GFPT2: variants seen among roughly 807,000 people sequenced by gnomAD.
The protein encoded by GFPT2 is glutamine--fructose-6-phosphate aminotransferase [isomerizing] 2.
A neutral mutation model predicts 85.6 loss-of-function variants in GFPT2; 62 were observed. The observed-to-expected ratio is 0.72, with a 90% CI of 0.59 to 0.90. GFPT2 has a LOEUF of 0.90. Ranked by LOEUF, GFPT2 falls within the 40% of genes least tolerant of loss-of-function variation. The pLI, the probability that GFPT2 is intolerant of heterozygous loss-of-function variation, is 0.00. For synonymous variants in GFPT2, 368 were observed against 344.5 expected (o/e 1.07, Z -0.75); for missense variants, 788 against 893.4 (o/e 0.88, Z 1.50).
rs541587646 is a variant in GFPT2, at chr5:180,347,531, C to T, written c.7+5680G>A. On this transcript the variant is annotated intron_variant, in intron 1 of 18. Coordinates refer to ENST00000253778, the MANE Select transcript of GFPT2 (RefSeq NM_005110.4). ...CAGAAGGGATTCGACATGAGCCCTC[C>T]GAGAGGAGACTGTAGCCTCTTGGCC... Among the ~76,000 whole-genome samples, 8 of 152,288 alleles carry T rather than the reference C, an allele frequency of 5.3e-5. No individual in the cohort carries two copies. The South Asian group carries it at 1.0e-3, about 20-fold the overall frequency.
chr5:180,346,107 C>T lies in GFPT2; in HGVS notation c.7+7104G>A, dbSNP rs971257568. Among the ~76,000 whole-genome samples, 9 of 152,134 alleles carry T rather than the reference C, an allele frequency of 5.9e-5. No homozygotes were observed. In the East Asian group the frequency reaches 7.7e-4, roughly 13 times the overall value. On this transcript the variant is annotated intron_variant, in intron 1 of 18. Coordinates refer to ENST00000253778, the MANE Select transcript of GFPT2 (RefSeq NM_005110.4). ...TAAACCACCATCTACAGTGGCTCCC[C>T]GCATGCCAACCCTTCCCGAGCTTCA...
At chr5:180,331,709 C>T (rs555362362) in intron 4 of GFPT2, 156 bp from the exon 5 acceptor site, 20 of 656,090 alleles carry the variant, frequency 3.0e-5, no homozygotes, top group Admixed American at 1.2e-4. Context: ...CAGATGTTTA[C>T]GGCAGCAACT....
At chr5:180,316,298 G>A in intron 13 of GFPT2, 43 bp downstream of exon 13, 1 of 1,609,002 alleles carries the variant, frequency 6.2e-7, no homozygotes, top group East Asian at 2.2e-5. Context: ...AGAGCCCAGA[G>A]CTGACCTGAT....
chr5:180,348,810 C>T (rs1458466578), intron 1 of GFPT2, among the ~76,000 whole-genome samples: 5 of 150,534 alleles, frequency 3.3e-5, no homozygotes, highest in African/African-American at 9.8e-5. Context: ...GGCACGATCT[C>T]GGCTCACTGC....
At chr5:180,351,094 A>G (rs1764703042) in intron 1 of GFPT2, among the ~76,000 whole-genome samples, 1 of 152,236 alleles carries the variant, frequency 6.6e-6, no homozygotes, top group Non-Finnish European at 1.5e-5. Flanking sequence ...TTTCTTCTGC[A>G]GAATTTGATT....
Position 180,328,374 on chromosome 5 carries a change from C to T in GFPT2, c.535-36G>A, listed in dbSNP as rs1338509661. 1.3e-6 allele frequency: 2 copies of T among 1,554,820 alleles called. No homozygotes were observed. Among genetic ancestry groups the T allele is most frequent in the Non-Finnish European group, 1.8e-6 (2 of 1,127,360 alleles). On this transcript the variant is annotated intron_variant, in intron 6 of 18. Coordinates refer to ENST00000253778, the MANE Select transcript of GFPT2 (RefSeq NM_005110.4). The surrounding 1 kb of genome is among the most constrained non-coding windows in gnomAD (Gnocchi z 5.4). ...ACAAACAGTGAGGGTCAACGCGTTC[C>T]AGCAGCCGCTGCTGCAGCCTGGCCA...
intron 9 of GFPT2, among the ~76,000 whole-genome samples, chr5:180,321,374 T>G (rs1215441283): frequency 6.6e-6 from 1 of 152,234 alleles, no homozygotes; most frequent in Non-Finnish European, 1.5e-5. Flanking sequence ...AAATGGGTAG[T>G]CATGTAATCT....
At position 180,330,819 on chromosome 5, in the gene GFPT2, C is replaced by T. The variant is rs542285695; in HGVS notation, c.415G>A (p.Glu139Lys). 18 of 1,613,990 alleles carry T rather than the reference C, an allele frequency of 1.1e-5. No homozygotes were observed. The highest frequency in any genetic ancestry group is 1.4e-5 in the Non-Finnish European group (17 of 1,179,844). ...TCTGTATCTGTTTCTGACTCAAACT[C>T]GTAGCCTTTGCTTTCCTGGAATATG... Reference protein sequence around the residue: ...LRKFLESKGYEFESETDTETI... With the variant: ...LRKFLESKGYKFESETDTETI... Residue 139 changes from glutamate (E) to lysine (K), a missense_variant, in exon 6 of 19, where the codon GAG (glutamate) becomes AAG (lysine). Glu to Lys is a moderately conservative substitution (Grantham distance 56, BLOSUM62 1). Coordinates refer to ENST00000253778, the MANE Select transcript of GFPT2 (RefSeq NM_005110.4). This position sits in a 1 kb window ranked among gnomAD's most constrained non-coding sequence, Gnocchi z 4.4.
chr5:180,328,436 CG>C lies in GFPT2; in HGVS notation c.535-99del. The C allele has an allele frequency of 2.1e-6, 2 of 937,944 alleles. No homozygotes were observed. Among genetic ancestry groups the C allele is most frequent in the Non-Finnish European group, 3.5e-6 (2 of 573,104 alleles). 58.1% of individuals were successfully genotyped at this position (937,944 alleles called of 1,614,324 possible). A position where few individuals can be genotyped will look rare whatever the true frequency, so the allele number is the denominator to read the frequency against. Reference sequence around the variant, plus strand: ...CGTCTCCCTGGGCCCCTCCTGATGGCGGGAGGTCCTGGGGTCCCTCGGGGAG... The same window carrying C: ...CGTCTCCCTGGGCCCCTCCTGATGGCGGAGGTCCTGGGGTCCCTCGGGGAG... On this transcript the variant is annotated intron_variant, in intron 6 of 18. Transcript: ENST00000253778. This position sits in a 1 kb window ranked among gnomAD's most constrained non-coding sequence, Gnocchi z 5.4.
At position 180,312,027 on chromosome 5, in the gene GFPT2, CGGGGAGGT is replaced by C. The variant is rs199508554; in HGVS notation, c.1546+395_1546+402del. Reference sequence around the variant, plus strand: ...GCTGAGGGGCAGGGAGGCAGGGAGGCGGGGAGGTGGGGAGGCTGAGGGGCAGGGAGGCA... The same window carrying C: ...GCTGAGGGGCAGGGAGGCAGGGAGGCGGGGAGGCTGAGGGGCAGGGAGGCA... On this transcript the variant is annotated intron_variant, in intron 15 of 18. Transcript: ENST00000253778. Among the ~76,000 whole-genome samples, 254 of 62,066 alleles carry C rather than the reference CGGGGAGGT, an allele frequency of 4.1e-3. 2 individuals are homozygous for C. The highest frequency in any genetic ancestry group is 5.2e-3 in the African/African-American group (79 of 15,276). The allele number at this position is 62,066 out of a possible 152,430, so 40.7% of individuals were successfully genotyped here.
intron 1 of GFPT2, among the ~76,000 whole-genome samples, chr5:180,349,167 T>C (rs1764664022): frequency 6.6e-6 from 1 of 151,606 alleles, no homozygotes; most frequent in African/African-American, 2.4e-5. Flanking sequence ...AGGGGACAGG[T>C]ACAGTGGCTC....
At chr5:180,313,623 TA>T (rs200991981) in intron 14 of GFPT2, among the ~76,000 whole-genome samples, 183 bp downstream of exon 14, 7 of 147,050 alleles carry the variant, frequency 4.8e-5, no homozygotes, top group East Asian at 2.0e-4. Flanking sequence ...AAAATAAAAA[TA>T]AAAAAAATGA....
At chr5:180,316,623 C>T (rs555153128) in intron 12 of GFPT2, 141 bp downstream of exon 12, 21 of 902,022 alleles carry the variant, frequency 2.3e-5, no homozygotes, top group African/African-American at 2.0e-4. Context: ...AAAAGGGCTC[C>T]GTGTCATTTC....
rs201567011 is a variant in GFPT2 at position 180,338,481 on chromosome 5, C to A, written c.115+12G>T. ...CGGTCCCCAGCCACGAGGCGGGCGG[C>A]CGCACACCCACCTGCCGAGTCGTAG... On this transcript the variant is annotated intron_variant, in intron 2 of 18. Coordinates refer to ENST00000253778, the MANE Select transcript of GFPT2 (RefSeq NM_005110.4). 1 of 1,506,186 alleles carries A rather than the reference C, an allele frequency of 6.6e-7. No individual in the cohort carries two copies. The highest frequency in any genetic ancestry group is 2.0e-4 in the Middle Eastern group (1 of 5,048). 93.3% of individuals were successfully genotyped at this position (1,506,186 alleles called of 1,614,324 possible).
chr5:180,350,566 G>A (rs368966350), intron 1 of GFPT2, among the ~76,000 whole-genome samples: 2 of 152,244 alleles, frequency 1.3e-5, no homozygotes, highest in Non-Finnish European at 2.9e-5. Context: ...TGAGATCTTC[G>A]AGTCCCCCAG....
In GFPT2 at chr5:180,341,696, T is replaced by TTTTTGTCCTCTA. The variant is rs1042803323; in HGVS notation, c.8-3097_8-3096insTAGAGGACAAAA. 5.3e-4 allele frequency among the ~76,000 whole-genome samples: 80 copies of TTTTTGTCCTCTA among 152,156 alleles called. 3 individuals carry two copies. The highest frequency in any genetic ancestry group is 3.2e-3 in the Middle Eastern group (1 of 316). On this transcript the variant is annotated intron_variant, in intron 1 of 18. Transcript: ENST00000253778. ...CAAGGGCAATTTTCTCGGTAGGCTA[T>TTTTTGTCCTCTA]TTTTGTCTTCCTTGCCATCTTTAGA...
intron 18 of GFPT2, 122 bp downstream of exon 18, chr5:180,302,300 AG>A: frequency 1.1e-5 from 8 of 711,928 alleles, no homozygotes; most frequent in South Asian, 5.0e-5. Context: ...AAAAAAAAAA[AG>A]AAAGCTACTT....
At chr5:180,325,276 C>A (rs1158613970) in intron 7 of GFPT2, among the ~76,000 whole-genome samples, 2 of 152,152 alleles carry the variant, frequency 1.3e-5, no homozygotes, top group Non-Finnish European at 2.9e-5. Flanking sequence ...CACCCAGCCT[C>A]GACGGCAGCG....
At chr5:180,340,184 G>A (rs1020614133) in intron 1 of GFPT2, among the ~76,000 whole-genome samples, 2 of 147,172 alleles carry the variant, frequency 1.4e-5, no homozygotes, top group Admixed American at 6.8e-5. Flanking sequence ...CTCTCTGGAG[G>A]TTTTTTTTTT....
Sources: gnomAD v4.1 joint callset for allele counts (sites outside exome capture counted in the v4.1 genomes callset) on GRCh38, gnomAD v4.1.1 for gene constraint, Gnocchi (gnomAD v3.1) non-coding constraint, MANE v1.5 for transcripts, NCBI Gene and HGNC (gene_info 2026-07-23, HGNC 2026-07-21) for gene names.